Variants in DNAH8 observed in about 807,000 individuals in gnomAD.
DNAH8 encodes the protein dynein axonemal heavy chain 8.
Under a neutral mutation model 562.1 loss-of-function variants are expected in DNAH8, and 382 were observed. The observed-to-expected ratio is 0.68, with a 90% CI of 0.63 to 0.74. DNAH8 has a LOEUF of 0.74. Ranked by LOEUF, DNAH8 falls within the 30% of genes least tolerant of loss-of-function variation. DNAH8 has a pLI of 0.00. For missense variants in DNAH8, 5,203 were observed against 5,620.4 expected, an observed-to-expected ratio of 0.93 and a Z score of 2.37; for synonymous variants, 1,881 against 1,919.4, an observed-to-expected ratio of 0.98 and a Z score of 0.52.
At chr6:38,886,269 C>A (rs1157089066) in intron 56 of DNAH8, among the ~76,000 whole-genome samples, 1 of 152,026 alleles carries the variant, frequency 6.6e-6, no homozygotes, top group Non-Finnish European at 1.5e-5. Flanking sequence ...GGAAAAAAAA[C>A]AAGCCTCTGA....
chr6:39,017,481 A>G (rs1368692291), intron 91 of DNAH8, among the ~76,000 whole-genome samples: 3 of 152,172 alleles, frequency 2.0e-5, no homozygotes, highest in Non-Finnish European at 4.4e-5. Context: ...GCTATGACTC[A>G]CAGGGGCTGC....
At chr6:39,020,671 C>A (rs1176612053) in intron 91 of DNAH8, among the ~76,000 whole-genome samples, 1 of 152,142 alleles carries the variant, frequency 6.6e-6, no homozygotes, top group Non-Finnish European at 1.5e-5. Context: ...GCTCTCCTTC[C>A]CCTTCCCCCA....
intron 70 of DNAH8, among the ~76,000 whole-genome samples, chr6:38,919,439 C>G (rs1781536690): frequency 6.6e-6 from 1 of 152,000 alleles, no homozygotes; most frequent in Admixed American, 6.6e-5. Flanking sequence ...AACAAGGGGC[C>G]CCACATTTTT....
At chr6:38,810,417 C>A (rs565045103) in intron 24 of DNAH8, among the ~76,000 whole-genome samples, 1 of 152,106 alleles carries the variant, frequency 6.6e-6, no homozygotes, top group Non-Finnish European at 1.5e-5. Flanking sequence ...CATGGTGAAA[C>A]TCTGTCTCTA....
intron 11 of DNAH8, among the ~76,000 whole-genome samples, chr6:38,766,077 C>T (rs1438244213): frequency 1.3e-5 from 2 of 151,570 alleles, no homozygotes; most frequent in Non-Finnish European, 2.9e-5. Context: ...TGCCTGTTGA[C>T]AGATGAATGG....
intron 12 of DNAH8, among the ~76,000 whole-genome samples, chr6:38,772,029 C>CT (rs34980133): frequency 0.24 from 32,006 of 131,776 alleles, 4,380 homozygotes; most frequent in Middle Eastern, 0.3. Flanking sequence ...TTTATGATTT[C>CT]TTTTTTTTTT....
chr6:38,823,362 A>G (rs1311673015), intron 27 of DNAH8, among the ~76,000 whole-genome samples, 200 bp from the exon 28 acceptor site: 2 of 152,092 alleles, frequency 1.3e-5, no homozygotes, highest in East Asian at 3.9e-4. Flanking sequence ...GACGCAAGGG[A>G]ACTTTAGAAC....
chr6:38,920,533 G>A (rs1218354312), intron 70 of DNAH8, among the ~76,000 whole-genome samples: 1 of 152,072 alleles, frequency 6.6e-6, no homozygotes, highest in Non-Finnish European at 1.5e-5. Context: ...TTCACTTGCA[G>A]AATCTTTGAA....
chr6:38,873,162 T>TG lies in DNAH8; in HGVS notation c.7479+18dup. 5 of 1,613,296 alleles carry TG rather than the reference T, an allele frequency of 3.1e-6. No individual in the cohort carries two copies. Among genetic ancestry groups the TG allele is most frequent in the Non-Finnish European group, 4.2e-6 (5 of 1,179,902 alleles). On this transcript the variant is annotated intron_variant, in intron 51 of 92. Transcript: ENST00000327475. ...CAATCTTACAGGTGGGGCAGAGAGA[T>TG]GGGAAGAAGAACCCTCAGAGTCTCT... is the stretch of plus-strand genomic sequence containing the variant.
At chr6:38,725,982 C>T (rs1033673162) in intron 3 of DNAH8, among the ~76,000 whole-genome samples, 1 of 152,154 alleles carries the variant, frequency 6.6e-6, no homozygotes, top group Non-Finnish European at 1.5e-5. Context: ...ACATGTCTTT[C>T]TAGCCTCTCT....
At chr6:39,016,505 C>A (rs571121804) in intron 91 of DNAH8, among the ~76,000 whole-genome samples, 71 of 150,052 alleles carry the variant, frequency 4.7e-4, no homozygotes, top group African/African-American at 1.7e-3. Context: ...GGGCCGAGAT[C>A]GCGCCACTGC....
Position 38,924,047 on chromosome 6 carries a change from A to G in DNAH8, c.10847A>G (p.Asn3616Ser), listed in dbSNP as rs1436051485. 1 of 1,614,006 alleles carries G rather than the reference A, an allele frequency of 6.2e-7. No individual in the cohort carries two copies. The highest frequency in any genetic ancestry group is 1.7e-5 in the Admixed American group (1 of 60,010). ...TTCCTTTCCTACCTTGGTCCTTTCAATCAGATATTTAGGAACTATTTGCTT... is the reference window on the plus strand; with the variant it reads ...TTCCTTTCCTACCTTGGTCCTTTCAGTCAGATATTTAGGAACTATTTGCTT... Reference protein sequence around the residue: ...TGFLSYLGPFNQIFRNYLLKD... With the variant: ...TGFLSYLGPFSQIFRNYLLKD... Residue 3616 changes from asparagine to serine, a missense_variant, in exon 73 of 93, where the codon AAT becomes AGT. This residue lies in a region of DNAH8 where 1,399 missense variants were observed against 1,518.4 expected (regional missense o/e 0.92). Coordinates refer to ENST00000327475, the MANE Select transcript of DNAH8 (RefSeq NM_001206927.2).
intron 4 of DNAH8, among the ~76,000 whole-genome samples, chr6:38,730,330 G>A (rs1308059303): frequency 6.6e-6 from 1 of 152,202 alleles, no homozygotes; most frequent in African/African-American, 2.4e-5. Flanking sequence ...GAGCCCTGCA[G>A]CTACCCCCTG....
At chr6:38,721,290 G>A (rs1762727313) in intron 1 of DNAH8, among the ~76,000 whole-genome samples, 1 of 152,048 alleles carries the variant, frequency 6.6e-6, no homozygotes, top group Non-Finnish European at 1.5e-5. Flanking sequence ...ACCAGTCTCA[G>A]CAACATAATG....
At chr6:38,853,460 T>G in intron 41 of DNAH8, 113 bp downstream of exon 41, 1 of 1,158,726 alleles carries the variant, frequency 8.6e-7, no homozygotes, top group Non-Finnish European at 1.2e-6. Context: ...TGAATTAGGT[T>G]AGAGTGGCCT....
At chr6:38,896,260 A>C in intron 60 of DNAH8, 35 bp downstream of exon 60, 5 of 1,536,842 alleles carry the variant, frequency 3.3e-6, no homozygotes, top group Non-Finnish European at 4.5e-6. Flanking sequence ...AGGTTTTCAG[A>C]TTGCTCACCT....
chr6:38,823,614 A>G lies in DNAH8; in HGVS notation c.3773A>G (p.His1258Arg), dbSNP rs1773065752. The stretch of plus-strand genomic sequence containing the variant: ...ACTGAAATCAGATCAGAAATTCTAC[A>G]CTATGCTACTTTTGAACAGGAGATT... ...SLTEIRSEIL[H>R]YATFEQEIDE... is the part of the protein sequence containing the mutation. The change falls in exon 28 of 93, where the codon CAC (histidine) becomes CGC (arginine). Residue 1258 changes from histidine (H) to arginine (R), a missense_variant. Physicochemically the swap from His to Arg is conservative, Grantham distance 29. Coordinates refer to ENST00000327475, the MANE Select transcript of DNAH8 (RefSeq NM_001206927.2). 1 of 1,609,950 alleles carries G rather than the reference A, an allele frequency of 6.2e-7. No homozygotes were observed. The highest frequency in any genetic ancestry group is 8.5e-7 in the Non-Finnish European group (1 of 1,176,482).
chr6:38,849,979 C>T (rs1775613767), intron 37 of DNAH8, among the ~76,000 whole-genome samples: 1 of 152,068 alleles, frequency 6.6e-6, no homozygotes, highest in Non-Finnish European at 1.5e-5. Flanking sequence ...GCAAATTAAT[C>T]ATGTGGTACT....
In DNAH8 at chr6:38,863,165, G is replaced by A. The variant is rs909567050; in HGVS notation, c.6310+707G>A. On this transcript the variant is annotated intron_variant, in intron 44 of 92. Transcript: ENST00000327475. ...TAAAACCAAACTCCCGGCCGGGCAC[G>A]GCTCACGCTTGTAATCCCAGCACTT... Among the ~76,000 whole-genome samples the A allele has an allele frequency of 3.3e-5, 5 of 152,228 alleles. No individual in the cohort carries two copies. The South Asian group carries it at 1.0e-3, about 32-fold the overall frequency.
Sources: allele counts gnomAD v4.1 joint callset (sites outside exome capture counted in the v4.1 genomes callset), GRCh38; gene constraint gnomAD v4.1.1; regional missense constraint gnomAD v4.1.1; transcripts MANE v1.5; gene names NCBI Gene and HGNC (gene_info 2026-07-23, HGNC 2026-07-21).